The following COL19A1 variants were observed in gnomAD, a reference collection of about 807,000 sequenced individuals.
COL19A1 encodes collagen alpha-1(XIX) chain.
Under a neutral mutation model 190.2 loss-of-function variants are expected in COL19A1, and 159 were observed. The ratio of observed to expected loss-of-function variants is 0.84; its 90% CI spans 0.73 to 0.95. The LOEUF (loss-of-function observed/expected upper bound fraction) is 0.95, where lower values mean the gene tolerates loss of function less well. COL19A1 is among the 40% of genes least tolerant of loss of function. The probability of loss-of-function intolerance (pLI) is 0.00; values close to 1 mark genes in which losing one functional copy is unlikely to be tolerated. For missense variants in COL19A1, 1,418 were observed against 1,431.9 expected (o/e 0.99, Z 0.16); for synonymous variants, 509 against 458.9 (o/e 1.11, Z -1.39).
chr6:70,212,211 T>C lies in COL19A1; in HGVS notation c.*4937T>C, dbSNP rs1258727310. On this transcript the variant is annotated 3_prime_UTR_variant, in exon 51 of 51. Coordinates refer to ENST00000620364, the MANE Select transcript of COL19A1 (RefSeq NM_001858.6). ...TTAATGTCTTTAAATTCAGGTTGTA[T>C]TGGGTGTATTTTACAACTATTTATT... is the stretch of plus-strand genomic sequence containing the variant. Among the ~76,000 whole-genome samples the C allele has an allele frequency of 6.6e-6, 1 of 152,218 alleles. No homozygotes were observed.
intron 4 of COL19A1, among the ~76,000 whole-genome samples, chr6:69,914,295 G>T (rs969806070): frequency 6.6e-6 from 1 of 152,172 alleles, no homozygotes; most frequent in Non-Finnish European, 1.5e-5. Context: ...CTGGGAGGAA[G>T]GCATTTCAGA....
intron 4 of COL19A1, among the ~76,000 whole-genome samples, chr6:69,916,502 C>T (rs1458895593): frequency 6.6e-6 from 1 of 152,038 alleles, no homozygotes; most frequent in Non-Finnish European, 1.5e-5. Context: ...ATTTTGAAGT[C>T]ATAACTGTGT....
At chr6:69,941,104 TC>T (rs536756578) in intron 9 of COL19A1, among the ~76,000 whole-genome samples, 44 of 152,262 alleles carry the variant, frequency 2.9e-4, no homozygotes, top group Non-Finnish European at 5.6e-4. Flanking sequence ...ACTAAGGGAA[TC>T]AGATGTTGTT....
chr6:69,981,516 A>C (rs546619760), intron 11 of COL19A1, among the ~76,000 whole-genome samples: 12 of 152,144 alleles, frequency 7.9e-5, no homozygotes, highest in Non-Finnish European at 1.8e-4. Flanking sequence ...TGGAGTAAAA[A>C]TTTGGAAAAA....
At chr6:69,964,904 T>C (rs1775005346) in intron 11 of COL19A1, among the ~76,000 whole-genome samples, 2 of 152,214 alleles carry the variant, frequency 1.3e-5, no homozygotes, top group Admixed American at 1.3e-4. Flanking sequence ...TATTATTTAC[T>C]GTATATTAAA....
intron 12 of COL19A1, among the ~76,000 whole-genome samples, chr6:70,024,582 CGTGTGTGTGTGT>C (rs71536487): frequency 7.0e-6 from 1 of 143,388 alleles, no homozygotes; most frequent in Non-Finnish European, 1.5e-5. Flanking sequence ...TGGAGAAAGT[CGTGTGTGTGTGT>C]GTGTGTGTGT....
At chr6:70,023,721 A>G (rs763304915) in intron 12 of COL19A1, 41 bp downstream of exon 12, 2 of 1,560,114 alleles carry the variant, frequency 1.3e-6, no homozygotes, top group East Asian at 2.2e-5. Context: ...TTTACATTTT[A>G]CCACTAAGAT....
chr6:70,137,420 A>G (rs1299807856), intron 18 of COL19A1, among the ~76,000 whole-genome samples: 1 of 152,208 alleles, frequency 6.6e-6, no homozygotes, highest in African/African-American at 2.4e-5. Context: ...CTTTCCTGGA[A>G]AAATAATTAA....
intron 16 of COL19A1, among the ~76,000 whole-genome samples, chr6:70,110,812 G>A (rs1448124233): frequency 1.3e-5 from 2 of 152,078 alleles, no homozygotes; most frequent in Non-Finnish European, 2.9e-5. Flanking sequence ...TATTATATTT[G>A]TACAGCCACT....
intron 14 of COL19A1, among the ~76,000 whole-genome samples, chr6:70,063,512 G>A (rs562741727): frequency 1.3e-4 from 20 of 152,098 alleles, no homozygotes; most frequent in African/African-American, 4.8e-4. Context: ...AGCACTAAAT[G>A]CCCACAAGAG....
At chr6:70,177,962 C>A (rs1335968336) in intron 42 of COL19A1, among the ~76,000 whole-genome samples, 1 of 152,146 alleles carries the variant, frequency 6.6e-6, no homozygotes, top group Non-Finnish European at 1.5e-5. Flanking sequence ...CACAGGCAAT[C>A]CAAATGAGAA....
chr6:69,988,948 G>A (rs1277704011), intron 11 of COL19A1, among the ~76,000 whole-genome samples: 2 of 152,070 alleles, frequency 1.3e-5, no homozygotes, highest in South Asian at 2.1e-4. Flanking sequence ...TATTTGTGCT[G>A]ATAACATCAC....
chr6:70,099,965 C>T (rs570921074), intron 15 of COL19A1, among the ~76,000 whole-genome samples: 11 of 152,312 alleles, frequency 7.2e-5, no homozygotes, highest in African/African-American at 2.4e-4. Flanking sequence ...ATCTTGGATG[C>T]TTTTTACTCC....
chr6:70,153,379 C>T (rs975569690), intron 31 of COL19A1, among the ~76,000 whole-genome samples: 2 of 152,144 alleles, frequency 1.3e-5, no homozygotes, highest in African/African-American at 4.8e-5. Flanking sequence ...GATTAATCAG[C>T]ATATCAATCC....
chr6:70,094,664 A>G (rs1005582797), intron 15 of COL19A1, among the ~76,000 whole-genome samples: 11 of 152,206 alleles, frequency 7.2e-5, no homozygotes, highest in African/African-American at 2.4e-4. Flanking sequence ...CCAAATGTTT[A>G]TAAATCAAGT....
chr6:70,137,363 T>G (rs1785936240), intron 18 of COL19A1, among the ~76,000 whole-genome samples: 1 of 152,208 alleles, frequency 6.6e-6, no homozygotes, highest in Non-Finnish European at 1.5e-5. Flanking sequence ...AAATTGGTTT[T>G]GGCACACCAG....
chr6:69,901,489 G>T (rs545740840), intron 4 of COL19A1, among the ~76,000 whole-genome samples: 7 of 152,356 alleles, frequency 4.6e-5, no homozygotes, highest in Admixed American at 3.3e-4. Flanking sequence ...TTTCAAATCA[G>T]GGGATATAAT....
chr6:69,899,060 T>G, intron 3 of COL19A1, 38 bp downstream of exon 3: 1 of 1,345,964 alleles, frequency 7.4e-7, no homozygotes, highest in East Asian at 2.3e-5. Context: ...ATATTTTATG[T>G]AAAATTATCA....
At chr6:69,901,544 A>G (rs1582334558) in intron 4 of COL19A1, among the ~76,000 whole-genome samples, 1 of 152,244 alleles carries the variant, frequency 6.6e-6, no homozygotes, top group African/African-American at 2.4e-5. Context: ...AACTGTATGG[A>G]CCCACGCTAC....
Sources: gnomAD v4.1 joint callset for allele counts (sites outside exome capture counted in the v4.1 genomes callset) on GRCh38, gnomAD v4.1.1 for gene constraint, MANE v1.5 for transcripts, NCBI Gene and HGNC (gene_info 2026-07-23, HGNC 2026-07-21) for gene names.